The following ATL2 variants were observed in gnomAD, a reference collection of about 807,000 sequenced individuals.
ATL2 encodes the protein atlastin GTPase 2.
ATL2 carries 31 observed loss-of-function variants against 73.9 expected under a neutral mutation model. The ratio of observed to expected loss-of-function variants is 0.42; its 90% CI spans 0.32 to 0.57. The LOEUF (loss-of-function observed/expected upper bound fraction) is 0.57. Ranked by LOEUF, ATL2 falls within the 20% of genes least tolerant of loss-of-function variation. The probability of loss-of-function intolerance (pLI) is 0.14; values close to 1 mark genes in which losing one functional copy is unlikely to be tolerated. For synonymous variants in ATL2, 291 were observed against 237.5 expected, an observed-to-expected ratio of 1.23 and a Z score of -2.07; for missense variants, 738 against 702.6, an observed-to-expected ratio of 1.05 and a Z score of -0.57.
At chr2:38,346,609 G>A (rs532879502) in intron 1 of ATL2, among the ~76,000 whole-genome samples, 1 of 152,274 alleles carries the variant, frequency 6.6e-6, no homozygotes, top group South Asian at 2.1e-4. Flanking sequence ...GCATTAGTTA[G>A]ATTCTCATAA....
chr2:38,337,483 CT>C (rs1669430639), intron 2 of ATL2, among the ~76,000 whole-genome samples: 1 of 36,602 alleles, frequency 2.7e-5, no homozygotes, highest in Non-Finnish European at 4.8e-5. Context: ...AAGACTCTGT[CT>C]CCAAAAAAAA....
rs377102396 is a variant in ATL2, at chr2:38,343,508, C to G, written c.123G>C (p.Glu41Asp). ...TTACTAGGTCATCATCTTCATAATT[C>G]TCACCTAGAATTTAAAAAGAAAGAA... Reference protein sequence around the residue: ...NHVSSTTSLGENYEDDDLVNS... With the variant: ...NHVSSTTSLGDNYEDDDLVNS... Residue 41 changes from glutamate (E) to aspartate (D), a missense_variant, in exon 2 of 13, where the codon GAG becomes GAC. Glu to Asp is a conservative substitution (Grantham distance 45, BLOSUM62 2). Transcript: ENST00000378954. The G allele has an allele frequency of 9.4e-6, 15 of 1,602,588 alleles. No individual in the cohort carries two copies. In the African/African-American group the frequency reaches 1.6e-4, roughly 17 times the overall value.
chr2:38,296,274 G>A lies in ATL2; in HGVS notation c.1633-161C>T, dbSNP rs1456796361. ...CTCAAAAAAACTTATGATGCTACTA[G>A]ACATTTTATAATGCAACAAAAATTA... is the stretch of plus-strand genomic sequence containing the variant. On this transcript the variant is annotated intron_variant, in intron 12 of 12. Transcript: ENST00000378954. The A allele has an allele frequency of 2.8e-6, 4 of 1,437,194 alleles. No homozygotes were observed. The East Asian group carries it at 1.0e-4, about 36-fold the overall frequency. 89.0% of individuals were successfully genotyped at this position (1,437,194 alleles called of 1,614,324 possible).
At chr2:38,329,181 C>G (rs1484513588) in intron 2 of ATL2, among the ~76,000 whole-genome samples, 2 of 147,476 alleles carry the variant, frequency 1.4e-5, no homozygotes, top group African/African-American at 5.0e-5. Flanking sequence ...AATCCCAACA[C>G]TTTGGGAGGC....
chr2:38,295,992 T>C lies in ATL2; in HGVS notation c.*2A>G. The stretch of plus-strand genomic sequence containing the variant: ...GAGTGGAGTCCGTGAGGAGATGAAC[T>C]GTCAGTCTGTCTTTAATCTGGCATG... On this transcript the variant is annotated 3_prime_UTR_variant, in exon 13 of 13. Transcript: ENST00000378954. The C allele has an allele frequency of 6.5e-7, 1 of 1,542,626 alleles. No homozygotes were observed. Among genetic ancestry groups the C allele is most frequent in the Non-Finnish European group, 8.8e-7 (1 of 1,139,312 alleles).
chr2:38,314,289 ACG>A, intron 6 of ATL2, among the ~76,000 whole-genome samples: 1 of 152,242 alleles, frequency 6.6e-6, no homozygotes, highest in African/African-American at 2.4e-5. Flanking sequence ...TGTAGTTACC[ACG>A]TATAAAAAAA....
chr2:38,333,864 T>G (rs971131532), intron 2 of ATL2, among the ~76,000 whole-genome samples: 2 of 152,176 alleles, frequency 1.3e-5, no homozygotes, highest in Non-Finnish European at 2.9e-5. Flanking sequence ...TCCTCTAGCT[T>G]TGGTAACATT....
intron 1 of ATL2, chr2:38,358,397 A>G (rs1670799809): frequency 6.4e-6 from 1 of 155,046 alleles, no homozygotes; most frequent in African/African-American, 2.4e-5. Flanking sequence ...AAAAAGGAAA[A>G]AGCTATAGAA....
intron 1 of ATL2, among the ~76,000 whole-genome samples, chr2:38,355,005 G>A (rs1279003506): frequency 2.6e-5 from 4 of 152,108 alleles, no homozygotes; most frequent in Admixed American, 1.3e-4. Context: ...TGAAAAACAC[G>A]CAAGATGGCA....
intron 2 of ATL2, among the ~76,000 whole-genome samples, chr2:38,332,380 G>T (rs997648792): frequency 2.0e-5 from 3 of 151,852 alleles, no homozygotes; most frequent in South Asian, 2.1e-4. Flanking sequence ...CTAATTTTTT[G>T]ATTTTTGTAG....
At chr2:38,349,321 C>T (rs1670208295) in intron 1 of ATL2, among the ~76,000 whole-genome samples, 1 of 151,710 alleles carries the variant, frequency 6.6e-6, no homozygotes, top group African/African-American at 2.4e-5. Context: ...GGCACATATA[C>T]ACCATGGAAT....
At chr2:38,316,944 T>C (rs1410164607) in intron 4 of ATL2, among the ~76,000 whole-genome samples, 1 of 152,038 alleles carries the variant, frequency 6.6e-6, no homozygotes. Flanking sequence ...AAAAGAGACT[T>C]AGAGGGTCCC....
At chr2:38,322,518 T>C (rs1251248453) in intron 2 of ATL2, among the ~76,000 whole-genome samples, 1 of 152,084 alleles carries the variant, frequency 6.6e-6, no homozygotes, top group Non-Finnish European at 1.5e-5. Flanking sequence ...CTAGAAACAA[T>C]ACAATCATAA....
chr2:38,364,675 T>A (rs1671203408), intron 1 of ATL2, among the ~76,000 whole-genome samples: 1 of 152,222 alleles, frequency 6.6e-6, no homozygotes, highest in African/African-American at 2.4e-5. Flanking sequence ...AGCACACGGA[T>A]CAAGAATTAA....
At chr2:38,374,509 C>G (rs971418218) in intron 1 of ATL2, among the ~76,000 whole-genome samples, 9 of 152,202 alleles carry the variant, frequency 5.9e-5, no homozygotes, top group African/African-American at 2.2e-4. Context: ...CTGTAAAGCT[C>G]TAAACCACCA....
chr2:38,311,822 T>C (rs1490798085), intron 7 of ATL2, among the ~76,000 whole-genome samples: 1 of 152,218 alleles, frequency 6.6e-6, no homozygotes, highest in East Asian at 1.9e-4. Flanking sequence ...AATAAAAAGT[T>C]TAAAAACTTT....
At chr2:38,306,727 G>A (rs1667468052) in intron 9 of ATL2, among the ~76,000 whole-genome samples, 1 of 152,038 alleles carries the variant, frequency 6.6e-6, no homozygotes, top group African/African-American at 2.4e-5. Context: ...TCCTCAAAAG[G>A]TACAGAAGAA....
At chr2:38,348,025 C>T (rs1159898469) in intron 1 of ATL2, among the ~76,000 whole-genome samples, 1 of 151,714 alleles carries the variant, frequency 6.6e-6, no homozygotes, top group South Asian at 2.1e-4. Context: ...TCTCAGCCTC[C>T]CAAAGTACTA....
intron 12 of ATL2, 146 bp from the exon 13 acceptor site, chr2:38,296,259 C>T (rs1558378615): frequency 5.6e-6 from 8 of 1,433,880 alleles, no homozygotes; most frequent in South Asian, 1.5e-5. Context: ...CTCAAAAAAA[C>T]TTATGATGCT....
Sources: gnomAD v4.1 joint callset for allele counts (sites outside exome capture counted in the v4.1 genomes callset) on GRCh38, gnomAD v4.1.1 for gene constraint, MANE v1.5 for transcripts, NCBI Gene and HGNC (gene_info 2026-07-23, HGNC 2026-07-21) for gene names.